The following MAP3K4 variants were observed in gnomAD, a reference collection of about 807,000 sequenced individuals.
MAP3K4 encodes the protein MAP three kinase 1.
A neutral mutation model predicts 185.6 loss-of-function variants in MAP3K4; 67 were observed. The ratio of observed to expected loss-of-function variants is 0.36; its 90% confidence interval spans 0.30 to 0.44. The LOEUF is 0.44. Among genes scored for constraint, MAP3K4 ranks in the 20% least tolerant of loss-of-function variants. The pLI, the probability that MAP3K4 is intolerant of heterozygous loss-of-function variation, is 1.00. For missense variants in MAP3K4, 1,551 were observed against 1,995.1 expected, an observed-to-expected ratio of 0.78 and a Z score of 4.24; for synonymous variants, 702 against 710.4, an observed-to-expected ratio of 0.99 and a Z score of 0.19.
rs1162788470 is a variant in MAP3K4, at chr6:161,086,751, G to A, written c.2556+84G>A. The A allele has an allele frequency of 4.2e-5, 45 of 1,077,722 alleles. 1 individual carries two copies. The East Asian group carries it at 1.1e-3, about 26-fold the overall frequency. 66.8% of individuals were successfully genotyped at this position (1,077,722 alleles called of 1,614,324 possible). On this transcript the variant is annotated intron_variant, in intron 9 of 26. Transcript: ENST00000392142. The surrounding 1 kb of genome is among the most constrained non-coding windows in gnomAD (Gnocchi z 4.8). Reference sequence around the variant, plus strand: ...AGGCAGACTTTTTCTTGAAGGTCCAGATAGTAAATATTACAGGCTCTGAAG... The same window carrying A: ...AGGCAGACTTTTTCTTGAAGGTCCAAATAGTAAATATTACAGGCTCTGAAG...
Position 161,082,226 on chromosome 6 carries a change from A to G in MAP3K4, c.2255+1188A>G, listed in dbSNP as rs549270662. 2.6e-5 allele frequency among the ~76,000 whole-genome samples: 4 copies of G among 152,068 alleles called. No homozygotes were observed. Among genetic ancestry groups the G allele is most frequent in the African/African-American group, 9.6e-5 (4 of 41,510 alleles). On this transcript the variant is annotated intron_variant, in intron 6 of 26. Coordinates refer to ENST00000392142, the MANE Select transcript of MAP3K4 (RefSeq NM_005922.4). This position sits in a 1 kb window ranked among gnomAD's most constrained non-coding sequence, Gnocchi z 4.2. The stretch of plus-strand genomic sequence containing the variant: ...GGTGCCCATAGTCAGCCTTTTTAAA[A>G]AAGGCATTCATTGTCATTTGCAACA...
chr6:161,101,803 T>G lies in MAP3K4; in HGVS notation c.3675-89T>G. 1.7e-4 allele frequency: 188 copies of G among 1,114,936 alleles called. No homozygotes were observed. The highest frequency in any genetic ancestry group is 2.3e-4 in the Non-Finnish European group (174 of 757,170). 69.1% of individuals were successfully genotyped at this position (1,114,936 alleles called of 1,614,324 possible). ...CCTGGCAGGCAGAGTTGCCCCCAGTTGAGAATTATTGCTCTAGAAAAATCT... is the reference window on the plus strand; with the variant it reads ...CCTGGCAGGCAGAGTTGCCCCCAGTGGAGAATTATTGCTCTAGAAAAATCT... On this transcript the variant is annotated intron_variant, in intron 17 of 26. Coordinates refer to ENST00000392142, the MANE Select transcript of MAP3K4 (RefSeq NM_005922.4). This position sits in a 1 kb window ranked among gnomAD's most constrained non-coding sequence, Gnocchi z 5.1.
At chr6:161,092,199 T>G in intron 13 of MAP3K4, 56 bp downstream of exon 13, 1 of 1,590,324 alleles carries the variant, frequency 6.3e-7, no homozygotes, top group Non-Finnish European at 8.6e-7. Context: ...GTGGTATTTG[T>G]TCATATATGT....
intron 1 of MAP3K4, among the ~76,000 whole-genome samples, chr6:161,021,674 A>T (rs1782396246): frequency 6.6e-6 from 1 of 152,234 alleles, no homozygotes; most frequent in Non-Finnish European, 1.5e-5. Context: ...ACACTTGTGT[A>T]TGTAATTCTG....
rs1442894790 is a variant in MAP3K4 at position 161,049,415 on chromosome 6, T to C, written c.1143T>C (p.Tyr381=). The part of the protein sequence containing the change: ...LQALQKDYEK[Y]AAKDFQDRVQ... Reference sequence around the variant, plus strand: ...CTCTTCAGAAGGACTATGAAAAATATGCTGCAAAAGACTTCCAGGACAGGG... The same window carrying C: ...CTCTTCAGAAGGACTATGAAAAATACGCTGCAAAAGACTTCCAGGACAGGG... Residue 381 remains tyrosine (Y), a synonymous_variant, in exon 3 of 27, where the codon TAT becomes TAC. Transcript: ENST00000392142. The surrounding 1 kb of genome is among the most constrained non-coding windows in gnomAD (Gnocchi z 8.4). 7 of 1,613,998 alleles carry C rather than the reference T, an allele frequency of 4.3e-6. No individual in the cohort carries two copies. The highest frequency in any genetic ancestry group is 2.2e-5 in the East Asian group (1 of 44,886).
rs1784164331 is a variant in MAP3K4, at chr6:161,054,817, C to A, written c.1707+4838C>A. ...ACTTATTTAAATCCATGTAACTGAA[C>A]TAATAATACCAGCTGCAGTTTTATC... On this transcript the variant is annotated intron_variant, in intron 3 of 26. Transcript: ENST00000392142. The surrounding 1 kb of genome is among the most constrained non-coding windows in gnomAD (Gnocchi z 4.2). 6.6e-6 allele frequency among the ~76,000 whole-genome samples: 1 copy of A among 152,178 alleles called. No individual in the cohort carries two copies. Among genetic ancestry groups the A allele is most frequent in the Admixed American group, 6.5e-5 (1 of 15,276 alleles).
intron 1 of MAP3K4, among the ~76,000 whole-genome samples, chr6:161,016,871 G>T (rs1363533693): frequency 6.6e-6 from 1 of 152,256 alleles, no homozygotes; most frequent in East Asian, 1.9e-4. Context: ...ATAGCTTTTT[G>T]TAAATATTTA....
Position 161,080,851 on chromosome 6 carries a change from A to T in MAP3K4, c.2098-30A>T, listed in dbSNP as rs779214938. On this transcript the variant is annotated intron_variant, in intron 5 of 26. Coordinates refer to ENST00000392142, the MANE Select transcript of MAP3K4 (RefSeq NM_005922.4). This position sits in a 1 kb window ranked among gnomAD's most constrained non-coding sequence, Gnocchi z 4.8. ...GCTGAGTTGCCAAGTTCTACTTTCA[A>T]ATGTCTCCCTTTACTTTTTGTGTTT... 20 of 1,608,238 alleles carry T rather than the reference A, an allele frequency of 1.2e-5. No homozygotes were observed. The highest frequency in any genetic ancestry group is 1.6e-5 in the Non-Finnish European group (19 of 1,176,404).
In MAP3K4 at chr6:161,034,513, C is replaced by T; in HGVS notation, c.343+64C>T. 1 of 1,299,950 alleles carries T rather than the reference C, an allele frequency of 7.7e-7. No homozygotes were observed. Among genetic ancestry groups the T allele is most frequent in the Non-Finnish European group, 1.1e-6 (1 of 946,622 alleles). The allele number at this position is 1,299,950 out of a possible 1,614,324, so 80.5% of individuals were successfully genotyped here. On this transcript the variant is annotated intron_variant, in intron 2 of 26. Transcript: ENST00000392142. The surrounding 1 kb of genome is among the most constrained non-coding windows in gnomAD (Gnocchi z 4.4). ...TATGGCACTTGATTGATTCTTTCAA[C>T]AATAAAGTTAGCAATTTCTTTTATT...
intron 3 of MAP3K4, among the ~76,000 whole-genome samples, chr6:161,058,008 A>G: frequency 6.6e-6 from 1 of 152,254 alleles, no homozygotes; most frequent in East Asian, 1.9e-4. Flanking sequence ...CAACAGCACA[A>G]TAGTAATATT....
At chr6:161,029,498 G>A (rs767858387) in intron 1 of MAP3K4, among the ~76,000 whole-genome samples, 1 of 152,220 alleles carries the variant, frequency 6.6e-6, no homozygotes, top group Non-Finnish European at 1.5e-5. Context: ...AGACCAGACT[G>A]TAGTGTAATA....
intron 1 of MAP3K4, among the ~76,000 whole-genome samples, chr6:161,031,196 T>C (rs1782912664): frequency 6.6e-6 from 1 of 152,230 alleles, no homozygotes; most frequent in Non-Finnish European, 1.5e-5. Context: ...CAGATGACTT[T>C]TGGTTTTGTA....
At chr6:161,083,172 C>T (rs1785538404) in intron 6 of MAP3K4, among the ~76,000 whole-genome samples, 1 of 152,154 alleles carries the variant, frequency 6.6e-6, no homozygotes. Context: ...TCCCCACTTC[C>T]TTCAGGTCTT....
chr6:161,036,032 G>A (rs11751688), intron 2 of MAP3K4, among the ~76,000 whole-genome samples: 5,831 of 152,154 alleles, frequency 0.038, 149 homozygotes, highest in South Asian at 0.071. Context: ...CAGTGTTTAC[G>A]CTTATCCGAA....
chr6:161,077,419 C>A lies in MAP3K4; in HGVS notation c.2098-3462C>A, dbSNP rs1419586610. On this transcript the variant is annotated intron_variant, in intron 5 of 26. Transcript: ENST00000392142. The surrounding 1 kb of genome is among the most constrained non-coding windows in gnomAD (Gnocchi z 4.3). The stretch of plus-strand genomic sequence containing the variant: ...ATACTTTTTAGAATTTTTTTAGCCT[C>A]TTTGCTTTTTAACTTATAAAGAGAG... Among the ~76,000 whole-genome samples, 1 of 152,186 alleles carries A rather than the reference C, an allele frequency of 6.6e-6. No homozygotes were observed. The highest frequency in any genetic ancestry group is 1.5e-5 in the Non-Finnish European group (1 of 68,042).
At position 161,100,688 on chromosome 6, in the gene MAP3K4, G is replaced by A. The variant is rs533002847; in HGVS notation, c.3675-1204G>A. On this transcript the variant is annotated intron_variant, in intron 17 of 26. Transcript: ENST00000392142. This position sits in a 1 kb window ranked among gnomAD's most constrained non-coding sequence, Gnocchi z 5.8. Reference sequence around the variant, plus strand: ...GAGTATATGTTCTTGCTTTTTACCCGTGCAAAAATCTCTTAAGGACATGGA... The same window carrying A: ...GAGTATATGTTCTTGCTTTTTACCCATGCAAAAATCTCTTAAGGACATGGA... Among the ~76,000 whole-genome samples the A allele has an allele frequency of 1.2e-3, 177 of 152,050 alleles. 1 individual carries two copies. The highest frequency in any genetic ancestry group is 0.01 in the Middle Eastern group (3 of 294).
rs1783272530 is a variant in MAP3K4 at position 161,038,209 on chromosome 6, G to A, written c.343+3760G>A. On this transcript the variant is annotated intron_variant, in intron 2 of 26. Transcript: ENST00000392142. ...TGAATAAGACCTAGTTCCAGGTCAA[G>A]TAGGGAGTACACAAATGACCAACAG... Among the ~76,000 whole-genome samples, 3 of 152,150 alleles carry A rather than the reference G, an allele frequency of 2.0e-5. No homozygotes were observed. In the South Asian group the frequency reaches 6.2e-4, roughly 32 times the overall value.
chr6:161,019,705 G>A (rs749170041), intron 1 of MAP3K4, among the ~76,000 whole-genome samples: 11 of 152,256 alleles, frequency 7.2e-5, no homozygotes, highest in Non-Finnish European at 1.3e-4. Context: ...TGTGGACCAC[G>A]CCCAGCCTTT....
rs1189689756 is a variant in MAP3K4 at position 161,095,368 on chromosome 6, A to G, written c.3427+1517A>G. On this transcript the variant is annotated intron_variant, in intron 15 of 26. Coordinates refer to ENST00000392142, the MANE Select transcript of MAP3K4 (RefSeq NM_005922.4). ...TGTTCCATACGCAACAGGGGTCATC[A>G]TTTGGTTTTGTGTTCTTTTCTTACA... 2.0e-5 allele frequency among the ~76,000 whole-genome samples: 3 copies of G among 152,210 alleles called. No homozygotes were observed. In the East Asian group the frequency reaches 5.8e-4, roughly 29 times the overall value.
Sources: allele counts gnomAD v4.1 joint callset (sites outside exome capture counted in the v4.1 genomes callset), GRCh38; gene constraint gnomAD v4.1.1; non-coding constraint Gnocchi (gnomAD v3.1); transcripts MANE v1.5; gene names NCBI Gene and HGNC (gene_info 2026-07-23, HGNC 2026-07-21).